The following LRRC69 variants were observed in gnomAD, a reference collection of about 807,000 sequenced individuals.
LRRC69 encodes the protein leucine rich repeat containing 69, also known as leucine-rich repeat-containing protein 69.
In LRRC69, 42 loss-of-function variants were observed where a neutral mutation model predicts 37.8. That is an observed-to-expected ratio of 1.11 (90% CI 0.87 to 1.44). The LOEUF is 1.44. LRRC69 is among the 40% of genes most tolerant of loss of function. The probability of loss-of-function intolerance (pLI) is 0.00; values close to 1 mark genes in which losing one functional copy is unlikely to be tolerated. For synonymous variants in LRRC69, 141 were observed against 143.1 expected (o/e 0.99, Z 0.11); for missense variants, 357 against 401.9 (o/e 0.89, Z 0.96).
At chr8:91,109,645 G>T (rs1813377869) in intron 1 of LRRC69, among the ~76,000 whole-genome samples, 1 of 151,940 alleles carries the variant, frequency 6.6e-6, no homozygotes, top group Non-Finnish European at 1.5e-5. Context: ...GTTAATGCCA[G>T]TAGAGAATCC....
intron 6 of LRRC69, among the ~76,000 whole-genome samples, chr8:91,191,267 C>T (rs1245471693): frequency 6.6e-6 from 1 of 152,160 alleles, no homozygotes; most frequent in Admixed American, 6.5e-5. Context: ...AAAAACATCT[C>T]ATTTGAAATT....
chr8:91,129,677 T>G (rs908368432), intron 3 of LRRC69, among the ~76,000 whole-genome samples: 4 of 151,968 alleles, frequency 2.6e-5, no homozygotes, highest in Admixed American at 6.6e-5. Context: ...CTTTGACCCT[T>G]TATACTGCAA....
chr8:91,200,802 G>A lies in LRRC69; in HGVS notation c.933+10G>A. ...TGTTCCTCCACCAAAGGTAAATGATGCTTTTTATGCGAATATGAGCATAAT... is the reference window on the plus strand; with the variant it reads ...TGTTCCTCCACCAAAGGTAAATGATACTTTTTATGCGAATATGAGCATAAT... On this transcript the variant is annotated intron_variant, in intron 7 of 7. Transcript: ENST00000448384. 3 of 1,525,106 alleles carry A rather than the reference G, an allele frequency of 2.0e-6. No individual in the cohort carries two copies. The highest frequency in any genetic ancestry group is 2.6e-6 in the Non-Finnish European group (3 of 1,138,266). The allele number at this position is 1,525,106 out of a possible 1,614,324, so 94.5% of individuals were successfully genotyped here.
chr8:91,154,062 A>G (rs1165026418), intron 5 of LRRC69, among the ~76,000 whole-genome samples: 1 of 151,566 alleles, frequency 6.6e-6, no homozygotes, highest in Non-Finnish European at 1.5e-5. Context: ...AAATAGAAAC[A>G]ACCATCAGAG....
intron 6 of LRRC69, among the ~76,000 whole-genome samples, chr8:91,198,559 T>C (rs567557692): frequency 6.7e-5 from 8 of 119,908 alleles, no homozygotes; most frequent in Non-Finnish European, 1.2e-4. Flanking sequence ...ATGTGTATAA[T>C]TTAATAACTC....
At chr8:91,130,642 T>C (rs1305639810) in intron 3 of LRRC69, 1 of 152,090 alleles carries the variant, frequency 6.6e-6, no homozygotes, top group Non-Finnish European at 1.5e-5. Flanking sequence ...TTTTCTCCTA[T>C]TGATGTACAT....
chr8:91,109,642 C>A (rs75269620), intron 1 of LRRC69, among the ~76,000 whole-genome samples: 8,024 of 151,874 alleles, frequency 0.053, 332 homozygotes, highest in African/African-American at 0.11. Flanking sequence ...TATGTTAATG[C>A]CAGTAGAGAA....
intron 7 of LRRC69, 25 bp from the exon 8 acceptor site, chr8:91,218,865 T>G: frequency 6.9e-7 from 1 of 1,443,588 alleles, no homozygotes; most frequent in South Asian, 1.3e-5. Context: ...CTGCCTAAAT[T>G]TTATTTTTAA....
chr8:91,150,693 C>A (rs367719738), intron 5 of LRRC69, among the ~76,000 whole-genome samples: 1 of 151,846 alleles, frequency 6.6e-6, no homozygotes, highest in East Asian at 1.9e-4. Context: ...TGGTAGAATT[C>A]GGCTGTGAAT....
At position 91,125,373 on chromosome 8, in the gene LRRC69, G is replaced by A. The variant is rs568925636; in HGVS notation, c.310+754G>A. On this transcript the variant is annotated intron_variant, in intron 2 of 7. Coordinates refer to ENST00000448384, the Ensembl canonical transcript of LRRC69. Reference sequence around the variant, plus strand: ...TTTATTAATGGCATTACTGCATGCAGCAATAAATTAGGGGTTATATTTGGC... The same window carrying A: ...TTTATTAATGGCATTACTGCATGCAACAATAAATTAGGGGTTATATTTGGC... Among the ~76,000 whole-genome samples the A allele has an allele frequency of 3.3e-5, 5 of 151,876 alleles. No individual in the cohort carries two copies. The East Asian group carries it at 9.7e-4, about 29-fold the overall frequency.
At chr8:91,141,414 G>A (rs766096305) in intron 5 of LRRC69, among the ~76,000 whole-genome samples, 13 of 152,068 alleles carry the variant, frequency 8.5e-5, no homozygotes, top group Non-Finnish European at 1.5e-4. Context: ...GAGGTTCAGG[G>A]TGGATATGAA....
chr8:91,208,899 T>C (rs1259282021), intron 7 of LRRC69, among the ~76,000 whole-genome samples: 1 of 152,196 alleles, frequency 6.6e-6, no homozygotes, highest in Non-Finnish European at 1.5e-5. Context: ...GTTCTGATGT[T>C]GAAGTCCCTT....
chr8:91,178,976 T>C (rs962534677), intron 5 of LRRC69, among the ~76,000 whole-genome samples: 1 of 152,224 alleles, frequency 6.6e-6, no homozygotes, highest in Non-Finnish European at 1.5e-5. Flanking sequence ...ATTTTCCCCA[T>C]GTAAACTTGG....
chr8:91,210,120 G>T (rs996155383), intron 7 of LRRC69, among the ~76,000 whole-genome samples: 10 of 151,986 alleles, frequency 6.6e-5, no homozygotes, highest in African/African-American at 2.4e-4. Flanking sequence ...TTTCCCAGGG[G>T]GTGACATTTA....
chr8:91,158,533 T>G (rs927323015), intron 5 of LRRC69: 3 of 1,131,514 alleles, frequency 2.7e-6, no homozygotes, highest in Non-Finnish European at 4.0e-6. Context: ...GAAATAGACT[T>G]ACACACTGTA....
chr8:91,103,350 G>A (rs552068317), intron 1 of LRRC69, among the ~76,000 whole-genome samples: 2 of 150,974 alleles, frequency 1.3e-5, no homozygotes, highest in African/African-American at 2.4e-5. Flanking sequence ...GGAAGGAGGG[G>A]ACATTTATTT....
At chr8:91,148,680 C>T (rs1439033062) in intron 5 of LRRC69, among the ~76,000 whole-genome samples, 1 of 151,974 alleles carries the variant, frequency 6.6e-6, no homozygotes, top group African/African-American at 2.4e-5. Flanking sequence ...AAGGGTTGAA[C>T]TAGTTTACAG....
At chr8:91,168,413 G>T (rs1809066689) in intron 5 of LRRC69, among the ~76,000 whole-genome samples, 1 of 151,918 alleles carries the variant, frequency 6.6e-6, no homozygotes, top group East Asian at 1.9e-4. Flanking sequence ...GTGGTCATGT[G>T]TCACAGTTCT....
At chr8:91,115,028 T>A (rs541084502) in intron 1 of LRRC69, among the ~76,000 whole-genome samples, 11 of 152,036 alleles carry the variant, frequency 7.2e-5, no homozygotes, top group African/African-American at 2.6e-4. Context: ...GAATGGTGGC[T>A]ACAAGGGTCT....
Sources: gnomAD v4.1 joint callset for allele counts (sites outside exome capture counted in the v4.1 genomes callset) on GRCh38, gnomAD v4.1.1 for gene constraint, MANE v1.5 for transcripts, NCBI Gene and HGNC (gene_info 2026-07-23, HGNC 2026-07-21) for gene names.